Variants in SHLD2 observed in about 807,000 individuals in gnomAD.
The protein encoded by SHLD2 is shieldin complex subunit 2.
A neutral mutation model predicts 73.2 loss-of-function variants in SHLD2; 30 were observed. That is an observed-to-expected ratio of 0.41 (90% CI 0.31 to 0.56). The LOEUF (loss-of-function observed/expected upper bound fraction) is 0.56. Ranked by LOEUF, SHLD2 falls within the 20% of genes least tolerant of loss-of-function variation. The probability of loss-of-function intolerance (pLI) is 0.28; values close to 1 mark genes in which losing one functional copy is unlikely to be tolerated. For synonymous variants in SHLD2, 285 were observed against 370.1 expected (o/e 0.77, Z 2.64); for missense variants, 745 against 1,055.9 (o/e 0.71, Z 4.08).
rs140309936 is a variant in SHLD2 at position 87,101,822 on chromosome 10, G to A, written c.-6+4833G>A. Among the ~76,000 whole-genome samples, 880 of 152,290 alleles carry A rather than the reference G, an allele frequency of 5.8e-3. 7 individuals are homozygous for A. Among genetic ancestry groups the A allele is most frequent in the African/African-American group, 0.019 (776 of 41,552 alleles). On this transcript the variant is annotated intron_variant, in intron 2 of 9. Transcript: ENST00000298786. The stretch of plus-strand genomic sequence containing the variant: ...CCAGCTACTGGGGAGGCTGAGGTAC[G>A]AGAATTACCTGAACCCAGGAGGTGG...
chr10:87,094,769 T>C, upstream of SHLD2: 1 of 1,535,704 alleles, frequency 6.5e-7, no homozygotes, highest in Non-Finnish European at 8.8e-7. This position sits in a 1 kb window ranked among gnomAD's most constrained non-coding sequence, Gnocchi z 6.6. Flanking sequence ...TAGCGGTACA[T>C]GGCCACAAGC....
rs1846026082 is a variant in SHLD2, at chr10:87,151,733, A to G, written c.379A>G (p.Ser127Gly). ...SSNMQICGFK[S>G]TVPHFTEEEK... ...TAATATGCAAATATGTGGATTTAAA[A>G]GCACAGTTCCGCATTTCACCGAAGA... is the stretch of plus-strand genomic sequence containing the variant. The change falls in exon 3 of 10, where the codon AGC becomes GGC. Residue 127 changes from serine (S) to glycine (G), a missense_variant. Around this residue, in one of 5 missense-constraint regions of SHLD2, gnomAD observed 280 missense variants for 353.9 expected, o/e 0.79. Coordinates refer to ENST00000298786, the MANE Select transcript of SHLD2 (RefSeq NM_001330112.2). 1.2e-6 allele frequency: 2 copies of G among 1,611,896 alleles called. No homozygotes were observed. The highest frequency in any genetic ancestry group is 2.7e-5 in the African/African-American group (2 of 74,860).
At chr10:87,160,997 AAAAG>A (rs1376818649) in intron 4 of SHLD2, among the ~76,000 whole-genome samples, 7 of 152,190 alleles carry the variant, frequency 4.6e-5, no homozygotes, top group South Asian at 2.1e-4. Flanking sequence ...CAAAAAAAAA[AAAAG>A]AAAGAAGAGG....
intron 2 of SHLD2, among the ~76,000 whole-genome samples, chr10:87,135,316 T>C (rs1350027161): frequency 6.6e-6 from 1 of 152,182 alleles, no homozygotes; most frequent in East Asian, 1.9e-4. Context: ...CTCTTGGTTT[T>C]GGCATTTTCT....
intron 2 of SHLD2, among the ~76,000 whole-genome samples, chr10:87,126,116 T>C (rs1843990430): frequency 6.6e-6 from 1 of 152,200 alleles, no homozygotes; most frequent in Non-Finnish European, 1.5e-5. Context: ...CCTTACTTTG[T>C]CACCCAGACT....
At chr10:87,143,988 T>C (rs571612930) in intron 2 of SHLD2, among the ~76,000 whole-genome samples, 97 of 151,670 alleles carry the variant, frequency 6.4e-4, no homozygotes, top group African/African-American at 2.2e-3. Flanking sequence ...CTCAGCCTCC[T>C]GAGTAGTGGG....
Position 87,101,709 on chromosome 10 carries a change from G to C in SHLD2, c.-6+4720G>C, listed in dbSNP as rs183985968. Among the ~76,000 whole-genome samples the C allele has an allele frequency of 3.2e-3, 481 of 152,330 alleles. 2 individuals are homozygous for C. The highest frequency in any genetic ancestry group is 4.3e-3 in the Non-Finnish European group (295 of 68,024). ...GGATAACTTGAGGCCAGGAGTTTCA[G>C]ATCAGCCTGGCCATCACAGAGAAAC... is the stretch of plus-strand genomic sequence containing the variant. On this transcript the variant is annotated intron_variant, in intron 2 of 9. Transcript: ENST00000298786.
At chr10:87,175,658 T>A (rs771288968) in intron 6 of SHLD2, among the ~76,000 whole-genome samples, 1 of 152,084 alleles carries the variant, frequency 6.6e-6, no homozygotes, top group Non-Finnish European at 1.5e-5. Flanking sequence ...CTCTCCAGCC[T>A]GGGCAACAGA....
At position 87,190,463 on chromosome 10, in the gene SHLD2, CTG is replaced by C; in HGVS notation, c.2516-17_2516-16del. The stretch of plus-strand genomic sequence containing the variant: ...CAAGCTAGCAGCGATCTTGGGAGCT[CTG>C]TGTTTTTGTCTTTTGCAGTTCCTTC... On this transcript the variant is annotated intron_variant, in intron 9 of 9. Transcript: ENST00000298786. The C allele has an allele frequency of 3.7e-6, 6 of 1,607,110 alleles. No individual in the cohort carries two copies. The highest frequency in any genetic ancestry group is 5.1e-6 in the Non-Finnish European group (6 of 1,175,442).
At position 87,125,680 on chromosome 10, in the gene SHLD2, T is replaced by C. The variant is rs529362525; in HGVS notation, c.-5-25670T>C. Among the ~76,000 whole-genome samples the C allele has an allele frequency of 9.2e-5, 14 of 152,078 alleles. No individual in the cohort carries two copies. The East Asian group carries it at 2.7e-3, about 29-fold the overall frequency. ...TGAACCCAAGAGGTGGAGGTTGCAG[T>C]GAGTTGAGAATGCGCCATTGCACTC... is the stretch of plus-strand genomic sequence containing the variant. On this transcript the variant is annotated intron_variant, in intron 2 of 9. Coordinates refer to ENST00000298786, the MANE Select transcript of SHLD2 (RefSeq NM_001330112.2).
At chr10:87,145,887 A>G (rs2484811) in intron 2 of SHLD2, among the ~76,000 whole-genome samples, 16 of 152,108 alleles carry the variant, frequency 1.1e-4, no homozygotes, top group Non-Finnish European at 1.0e-4. Context: ...AACCCTCTGA[A>G]TACACCTAAA....
intron 7 of SHLD2, among the ~76,000 whole-genome samples, chr10:87,177,627 GGAACTTTTCCCTAA>G (rs1848027829): frequency 6.6e-6 from 1 of 152,170 alleles, no homozygotes; most frequent in Non-Finnish European, 1.5e-5. Context: ...GAAAACACAA[GGAACTTTTCCCTAA>G]CCTATTTTAT....
At chr10:87,167,183 T>C (rs1403480689) in intron 4 of SHLD2, among the ~76,000 whole-genome samples, 12 of 152,170 alleles carry the variant, frequency 7.9e-5, no homozygotes, top group Non-Finnish European at 1.8e-4. Flanking sequence ...CATAAAACTC[T>C]TATGACAAAA....
Position 87,170,929 on chromosome 10 carries a change from T to C in SHLD2, c.1918T>C (p.Trp640Arg). The C allele has an allele frequency of 1.9e-6, 3 of 1,602,216 alleles. No homozygotes were observed. The highest frequency in any genetic ancestry group is 2.6e-6 in the Non-Finnish European group (3 of 1,172,328). The change falls in exon 6 of 10, where the codon TGG becomes CGG. Residue 640 changes from tryptophan (W) to arginine (R), a missense_variant. Coordinates refer to ENST00000298786, the MANE Select transcript of SHLD2 (RefSeq NM_001330112.2). ...AQDQHYALVL[W>R]GPGAAWYPQL... ...AGATCAACATTATGCGCTTGTATTA[T>C]GGGGTCCTGGAGCAGCCTGGTACCC...
At chr10:87,142,923 T>A (rs1845304023) in intron 2 of SHLD2, among the ~76,000 whole-genome samples, 1 of 69,414 alleles carries the variant, frequency 1.4e-5, no homozygotes. Context: ...TTATTTTTAC[T>A]TTTTTTTTTT....
chr10:87,156,295 G>A (rs1460655771), intron 3 of SHLD2, among the ~76,000 whole-genome samples: 2 of 152,024 alleles, frequency 1.3e-5, no homozygotes, highest in Non-Finnish European at 2.9e-5. Context: ...TCGAACTCCT[G>A]ACCTTGTGAT....
intron 8 of SHLD2, among the ~76,000 whole-genome samples, chr10:87,181,264 A>C: frequency 6.7e-6 from 1 of 148,638 alleles, no homozygotes; most frequent in African/African-American, 2.5e-5. Context: ...ATAGGCCTGT[A>C]GTCCCAGCTA....
chr10:87,126,863 A>G (rs1464240158), intron 2 of SHLD2, among the ~76,000 whole-genome samples: 2 of 152,220 alleles, frequency 1.3e-5, no homozygotes, highest in African/African-American at 4.8e-5. Context: ...ATATATTCTT[A>G]CTCATTATTA....
intron 2 of SHLD2, among the ~76,000 whole-genome samples, chr10:87,119,709 CGGA>C (rs1387157452): frequency 1.3e-5 from 2 of 150,708 alleles, no homozygotes; most frequent in African/African-American, 4.9e-5. Flanking sequence ...ACCCGGGAGG[CGGA>C]GGTTGCAGTG....
Sources: gnomAD v4.1 joint callset for allele counts (sites outside exome capture counted in the v4.1 genomes callset) on GRCh38, gnomAD v4.1.1 for gene constraint, gnomAD v4.1.1 regional missense constraint, Gnocchi (gnomAD v3.1) non-coding constraint, MANE v1.5 for transcripts, NCBI Gene and HGNC (gene_info 2026-07-23, HGNC 2026-07-21) for gene names.